Variants in MPP3 observed in about 807,000 individuals in gnomAD.
MPP3 encodes MAGUK p55 subfamily member 3.
In MPP3, 48 loss-of-function variants were observed where a neutral mutation model predicts 80.7. That is an observed-to-expected ratio of 0.59 (90% CI 0.47 to 0.76). MPP3 has a LOEUF of 0.76. MPP3 is among the 30% of genes least tolerant of loss of function. MPP3 has a pLI of 0.00. For synonymous variants in MPP3, 311 were observed against 297.6 expected (o/e 1.04, Z -0.46); for missense variants, 620 against 763.0 (o/e 0.81, Z 2.21).
intron 3 of MPP3, 60 bp downstream of exon 3, chr17:43,831,822 C>G: frequency 6.5e-7 from 1 of 1,533,640 alleles, no homozygotes; most frequent in Non-Finnish European, 8.8e-7. Context: ...GGCCTGGAGG[C>G]TGCCAGGCAG....
rs748303685 is a variant in MPP3, at chr17:43,814,380, G to C, written c.1010-19C>G. On this transcript the variant is annotated intron_variant, in intron 14 of 19. Coordinates refer to ENST00000398389, the MANE Select transcript of MPP3 (RefSeq NM_001932.6). ...AGACCAGCTTGGGAGGAGGGGCAGA[G>C]GGACACCATGGCATTTGTCCCAGTT... is the stretch of plus-strand genomic sequence containing the variant. The C allele has an allele frequency of 2.0e-5, 32 of 1,581,374 alleles. No individual in the cohort carries two copies. In the Middle Eastern group the frequency reaches 6.7e-4, roughly 33 times the overall value.
chr17:43,811,239 A>T (rs1164115875), intron 16 of MPP3, 34 bp from the exon 17 acceptor site: 2 of 1,540,388 alleles, frequency 1.3e-6, no homozygotes, highest in Admixed American at 3.3e-5. Flanking sequence ...GGGCAAAGAG[A>T]TGTCACATCA....
At chr17:43,804,718 G>T (rs377071785) in intron 19 of MPP3, among the ~76,000 whole-genome samples, 5 of 152,162 alleles carry the variant, frequency 3.3e-5, no homozygotes, top group African/African-American at 1.2e-4. Context: ...AAAATGTTAT[G>T]CCTCAAAGGA....
At chr17:43,803,030 C>T (rs960945892) in intron 19 of MPP3, among the ~76,000 whole-genome samples, 2 of 152,094 alleles carry the variant, frequency 1.3e-5, no homozygotes, top group African/African-American at 4.8e-5. Context: ...TTTTCTCCTC[C>T]AGGAGGGAAA....
At chr17:43,805,861 T>C (rs2044592444) in intron 19 of MPP3, among the ~76,000 whole-genome samples, 1 of 152,220 alleles carries the variant, frequency 6.6e-6, no homozygotes, top group South Asian at 2.1e-4. Flanking sequence ...TACTCTTAAA[T>C]TGACTGTGGT....
At chr17:43,804,143 C>T (rs1238452524) in intron 19 of MPP3, among the ~76,000 whole-genome samples, 1 of 152,132 alleles carries the variant, frequency 6.6e-6, no homozygotes, top group African/African-American at 2.4e-5. Context: ...TGAGCCATTT[C>T]CCCCTGCTTA....
intron 16 of MPP3, among the ~76,000 whole-genome samples, chr17:43,813,175 G>A (rs937864428): frequency 1.3e-5 from 2 of 152,146 alleles, no homozygotes; most frequent in Non-Finnish European, 2.9e-5. Context: ...AGTGGGAGGC[G>A]GCAGGTGAGA....
chr17:43,810,843 G>C lies in MPP3; in HGVS notation c.1422C>G (p.Ala474=), dbSNP rs1206153115. Reference sequence around the variant, plus strand: ...CATCCACCAAACAAACTTTGTTTTTGGCCATAACAGCCTGAATGGCCTCCA... The same window carrying C: ...CATCCACCAAACAAACTTTGTTTTTCGCCATAACAGCCTGAATGGCCTCCA... ...TSLEAIQAVM[A]KNKVCLVDVE... The change falls in exon 18 of 20, where the codon GCC becomes GCG. Residue 474 remains alanine (A), a synonymous_variant. Transcript: ENST00000398389. 1 of 1,610,146 alleles carries C rather than the reference G, an allele frequency of 6.2e-7. No individual in the cohort carries two copies. Among genetic ancestry groups the C allele is most frequent in the African/African-American group, 1.3e-5 (1 of 74,676 alleles).
intron 2 of MPP3, 197 bp from the exon 3 acceptor site, chr17:43,832,140 G>A (rs1042420948): frequency 3.5e-6 from 2 of 566,766 alleles, no homozygotes; most frequent in Non-Finnish European, 6.2e-6. Flanking sequence ...GCCAAGCATT[G>A]TGTGGGGTGA....
Position 43,814,228 on chromosome 17 carries a change from G to T in MPP3, c.1143C>A (p.Pro381=). 1 of 1,613,588 alleles carries T rather than the reference G, an allele frequency of 6.2e-7. No homozygotes were observed. The highest frequency in any genetic ancestry group is 1.3e-5 in the African/African-American group (1 of 75,036). The change falls in exon 15 of 20, where the codon CCC becomes CCA. Residue 381 remains proline, a synonymous_variant. Transcript: ENST00000398389. The part of the protein sequence containing the change: ...YEEVARYQHQ[P]GERPRLVVLI... ...GAACCACCAGGCGGGGCCGCTCTCC[G>T]GGCTGGTGTTGGTACCTGGCCACCT...
In MPP3 at chr17:43,808,990, A is replaced by G; in HGVS notation, c.1547T>C (p.Met516Thr). 6.2e-7 allele frequency: 1 copy of G among 1,610,214 alleles called. No homozygotes were observed. Among genetic ancestry groups the G allele is most frequent in the Non-Finnish European group, 8.5e-7 (1 of 1,179,106 alleles). Residue 516 changes from methionine to threonine, a missense_variant, in exon 19 of 20, where the codon ATG (methionine) becomes ACG (threonine). Transcript: ENST00000398389. ...TGCTGTGTCCTCACAAGCTGGGGACATAGGTGGCGTTTTTCTTTTTTCCTG... is the reference window on the plus strand; with the variant it reads ...TGCTGTGTCCTCACAAGCTGGGGACGTAGGTGGCGTTTTTCTTTTTTCCTG... ...AIQEKRKTPP[M>T]SPACEDTAAP...
intron 9 of MPP3, chr17:43,825,085 T>G (rs1185940700): frequency 6.6e-6 from 1 of 152,450 alleles, no homozygotes; most frequent in East Asian, 1.9e-4. Flanking sequence ...GAGAGGGCTT[T>G]AAACAGTGGG....
chr17:43,819,398 A>C (rs2045311461), intron 11 of MPP3, among the ~76,000 whole-genome samples: 1 of 152,266 alleles, frequency 6.6e-6, no homozygotes. Flanking sequence ...AAAGTGAAGA[A>C]TTGGGAACAA....
chr17:43,811,245 C>T, intron 16 of MPP3, 40 bp from the exon 17 acceptor site: 7 of 1,498,598 alleles, frequency 4.7e-6, no homozygotes, highest in Non-Finnish European at 6.5e-6. Context: ...AGAGATGTCA[C>T]ATCACAGCAC....
intron 19 of MPP3, among the ~76,000 whole-genome samples, chr17:43,805,412 T>C (rs79335334): frequency 0.026 from 3,994 of 152,240 alleles, 169 homozygotes; most frequent in African/African-American, 0.091. Flanking sequence ...GAGTTAAACA[T>C]AGAACTACCC....
At chr17:43,823,785 T>G in intron 10 of MPP3, 146 bp downstream of exon 10, 2 of 588,464 alleles carry the variant, frequency 3.4e-6, no homozygotes, top group Non-Finnish European at 6.0e-6. Flanking sequence ...GGAATTAAAG[T>G]CCTCCACTGG....
Position 43,825,796 on chromosome 17 carries a change from G to GCGATCC in MPP3, c.563_568dup (p.Gly188_Ile189dup). The GCGATCC allele has an allele frequency of 6.2e-7, 1 of 1,613,512 alleles. No individual in the cohort carries two copies. The highest frequency in any genetic ancestry group is 8.5e-7 in the Non-Finnish European group (1 of 1,179,426). ...CTCGTCGGGCCGCTTGTGCAGGACT[G>GCGATCC]CGATCCCGTTCACTTCTCGGAGCTC... On this transcript the variant is annotated inframe_insertion, in exon 9 of 20. Transcript: ENST00000398389.
chr17:43,816,133 CCCAGGGCACCCAGCCCCTGGATGG>C, intron 13 of MPP3, 54 bp from the exon 14 acceptor site: 1 of 1,448,358 alleles, frequency 6.9e-7, no homozygotes, highest in East Asian at 2.7e-5. Context: ...ACACATCCGG[CCCAGGGCACCCAGCCCCTGGATGG>C]CCAGGCAGGA....
intron 5 of MPP3, 24 bp downstream of exon 5, chr17:43,831,220 T>C: frequency 1.9e-6 from 3 of 1,612,838 alleles, no homozygotes; most frequent in Non-Finnish European, 2.5e-6. Context: ...GGGCAGACAC[T>C]GTAAGGAGAA....
Sources: gnomAD v4.1 joint callset for allele counts (sites outside exome capture counted in the v4.1 genomes callset) on GRCh38, gnomAD v4.1.1 for gene constraint, MANE v1.5 for transcripts, NCBI Gene and HGNC (gene_info 2026-07-23, HGNC 2026-07-21) for gene names.